COL13A1: variants seen among roughly 807,000 people sequenced by gnomAD.
COL13A1 encodes collagen type XIII alpha 1 chain.
Under a neutral mutation model 130.9 loss-of-function variants are expected in COL13A1, and 89 were observed. That is an observed-to-expected ratio of 0.68 (90% CI 0.57 to 0.81). COL13A1 has a LOEUF of 0.81. Among genes scored for constraint, COL13A1 ranks in the 30% least tolerant of loss-of-function variants. The pLI is 0.00. For missense variants in COL13A1, 879 were observed against 934.6 expected, an observed-to-expected ratio of 0.94 and a Z score of 0.78; for synonymous variants, 402 against 341.6, an observed-to-expected ratio of 1.18 and a Z score of -1.95.
chr10:69,916,753 C>T (rs1453812252), intron 17 of COL13A1, among the ~76,000 whole-genome samples: 1 of 152,136 alleles, frequency 6.6e-6, no homozygotes, highest in Non-Finnish European at 1.5e-5. Context: ...GACACATGCC[C>T]TTGGGGAGAG....
chr10:69,846,362 A>G (rs1194437769), intron 2 of COL13A1, among the ~76,000 whole-genome samples: 2 of 151,842 alleles, frequency 1.3e-5, no homozygotes, highest in South Asian at 2.1e-4. Context: ...CTGCTTGGAC[A>G]TAACCCGAGC....
intron 35 of COL13A1, among the ~76,000 whole-genome samples, chr10:69,943,814 C>T (rs2068032779): frequency 1.3e-5 from 2 of 152,250 alleles, no homozygotes; most frequent in African/African-American, 4.8e-5. Context: ...TCCACTCCCT[C>T]CCAAGTGCTT....
At chr10:69,931,153 T>A (rs544132500) in intron 30 of COL13A1, 6 of 456,116 alleles carry the variant, frequency 1.3e-5, no homozygotes, top group African/African-American at 1.0e-4. Flanking sequence ...TCATTGTCAG[T>A]CTGTAGGGTC....
intron 7 of COL13A1, among the ~76,000 whole-genome samples, chr10:69,885,578 A>G (rs1013100505): frequency 2.6e-5 from 4 of 152,218 alleles, no homozygotes; most frequent in Admixed American, 1.3e-4. Flanking sequence ...GGTTGGAGAC[A>G]TTCATCCTGC....
intron 2 of COL13A1, among the ~76,000 whole-genome samples, chr10:69,829,701 C>T (rs1244134832): frequency 6.6e-6 from 1 of 152,226 alleles, no homozygotes; most frequent in African/African-American, 2.4e-5. Flanking sequence ...ACAGCCATAG[C>T]TCTCTATGCC....
intron 4 of COL13A1, among the ~76,000 whole-genome samples, chr10:69,874,755 C>T (rs2704521): frequency 0.74 from 112,894 of 152,068 alleles, 42,283 homozygotes; most frequent in East Asian, 0.94. Context: ...CTTGAAGTTG[C>T]GTTTGATAAA....
intron 16 of COL13A1, 73 bp downstream of exon 16, chr10:69,905,032 G>A: frequency 6.6e-7 from 1 of 1,506,640 alleles, no homozygotes. Flanking sequence ...AGGCAGCACA[G>A]AAGGTGACTG....
chr10:69,859,875 G>A (rs1857483219), intron 2 of COL13A1, among the ~76,000 whole-genome samples: 1 of 152,262 alleles, frequency 6.6e-6, no homozygotes, highest in African/African-American at 2.4e-5. Flanking sequence ...TGGGGCTGCT[G>A]ACTCCTACTC....
intron 32 of COL13A1, 110 bp downstream of exon 32, chr10:69,935,501 G>A: frequency 1.2e-6 from 1 of 819,838 alleles, no homozygotes; most frequent in Non-Finnish European, 1.9e-6. Context: ...CCCAGGGAGG[G>A]ATTTTCTGGT....
chr10:69,836,822 T>G (rs4746915), intron 2 of COL13A1, among the ~76,000 whole-genome samples: 45,729 of 152,116 alleles, frequency 0.3, 7,376 homozygotes, highest in African/African-American at 0.4. Context: ...GTGCCTGCCT[T>G]CCTCTTTAAA....
intron 16 of COL13A1, among the ~76,000 whole-genome samples, chr10:69,905,414 CAAG>C (rs1243078326): frequency 1.3e-5 from 2 of 152,158 alleles, no homozygotes; most frequent in Non-Finnish European, 2.9e-5. Context: ...GCTCTGGGGA[CAAG>C]AAGATGCCCA....
rs2062448670 is a variant in COL13A1 at position 69,903,842 on chromosome 10, T to C, written c.858+987T>C. ...CACTGGGCAAGGATGTCCCCAACAA[T>C]TAGCACCCTGTGTGTACGGCCACAT... is the stretch of plus-strand genomic sequence containing the variant. On this transcript the variant is annotated intron_variant, in intron 15 of 40. Coordinates refer to ENST00000645393, the MANE Select transcript of COL13A1 (RefSeq NM_001368882.1). 4.6e-5 allele frequency among the ~76,000 whole-genome samples: 7 copies of C among 152,272 alleles called. No homozygotes were observed. In the South Asian group the frequency reaches 1.5e-3, roughly 32 times the overall value.
At chr10:69,894,907 C>G (rs1037501012) in intron 12 of COL13A1, among the ~76,000 whole-genome samples, 1 of 152,132 alleles carries the variant, frequency 6.6e-6, no homozygotes, top group Admixed American at 6.5e-5. Context: ...GGAGGCTGGT[C>G]CGGGTGACAT....
At chr10:69,934,949 T>C (rs1208606074) in intron 31 of COL13A1, among the ~76,000 whole-genome samples, 3 of 151,876 alleles carry the variant, frequency 2.0e-5, no homozygotes, top group Non-Finnish European at 4.4e-5. Context: ...CAATAAGGAG[T>C]GGTGAGGACT....
chr10:69,956,822 C>T (rs745993315), intron 39 of COL13A1, 182 bp from the exon 40 acceptor site: 23 of 597,618 alleles, frequency 3.8e-5, no homozygotes, highest in African/African-American at 1.1e-4. Flanking sequence ...GTAAAATAGC[C>T]GGATTTGTTT....
At chr10:69,808,332 G>C (rs150597166) in intron 1 of COL13A1, among the ~76,000 whole-genome samples, 1 of 152,074 alleles carries the variant, frequency 6.6e-6, no homozygotes, top group South Asian at 2.1e-4. Flanking sequence ...AAGCCTCCTC[G>C]AACCACTCCA....
chr10:69,833,482 C>T lies in COL13A1; in HGVS notation c.364+11044C>T, dbSNP rs142502099. 1.4e-3 allele frequency among the ~76,000 whole-genome samples: 213 copies of T among 152,250 alleles called. 1 individual carries two copies. The highest frequency in any genetic ancestry group is 6.8e-3 in the Middle Eastern group (2 of 294). On this transcript the variant is annotated intron_variant, in intron 2 of 40. Transcript: ENST00000645393. The stretch of plus-strand genomic sequence containing the variant: ...CTGCTCCAGGCCCTGTGTTCAGTGC[C>T]GTGGGATGCAAGGTGATCAGGCAAA...
chr10:69,933,942 C>A (rs2683546), intron 31 of COL13A1, among the ~76,000 whole-genome samples: 128,734 of 152,090 alleles, frequency 0.85, 54,978 homozygotes, highest in East Asian at 0.93. Context: ...AAGCTGGTGG[C>A]GAACATATAA....
chr10:69,898,821 G>C, intron 14 of COL13A1, 59 bp downstream of exon 14: 1 of 1,401,884 alleles, frequency 7.1e-7, no homozygotes, highest in Admixed American at 2.1e-5. Context: ...CGGCAAGCCT[G>C]CTGGGGCTGC....
Sources: gnomAD v4.1 joint callset for allele counts (sites outside exome capture counted in the v4.1 genomes callset) on GRCh38, gnomAD v4.1.1 for gene constraint, MANE v1.5 for transcripts, NCBI Gene and HGNC (gene_info 2026-07-23, HGNC 2026-07-21) for gene names.